Variants in ZNF442 observed in about 807,000 individuals in gnomAD.
ZNF442 encodes the protein zinc finger protein 442.
Under a neutral mutation model 57.0 loss-of-function variants are expected in ZNF442, and 45 were observed. The observed-to-expected ratio is 0.79, with a 90% confidence interval of 0.62 to 1.01. ZNF442 has a LOEUF of 1.01. Among genes scored for constraint, ZNF442 ranks in the 50% least tolerant of loss-of-function variants. The probability of loss-of-function intolerance (pLI) is 0.00; values close to 1 mark genes in which losing one functional copy is unlikely to be tolerated. For synonymous variants in ZNF442, 213 were observed against 241.8 expected, an observed-to-expected ratio of 0.88 and a Z score of 1.10; for missense variants, 690 against 756.5, an observed-to-expected ratio of 0.91 and a Z score of 1.03.
Position 12,363,572 on chromosome 19 carries a change from A to C in ZNF442, c.60T>G (p.Asn20Lys), listed in dbSNP as rs1969475748. ...TGCTTACATATTGTTTTCTCTCTTC[A>C]TTAGTCTGAGAGTCAGGAAGGAAGA... The part of the protein sequence containing the change: ...SDLFLPDSQT[N>K]EERKQYDSVA... The change falls in exon 3 of 6, where the codon AAT becomes AAG. Residue 20 changes from asparagine to lysine, a missense_variant. Asn to Lys is a moderately conservative substitution (Grantham distance 94, BLOSUM62 0). Transcript: ENST00000242804. The C allele has an allele frequency of 6.2e-7, 1 of 1,614,066 alleles. No individual in the cohort carries two copies. The highest frequency in any genetic ancestry group is 1.7e-5 in the Admixed American group (1 of 60,010).
rs763924671 is a variant in ZNF442 at position 12,349,952 on chromosome 19, C to G, written c.1633G>C (p.Glu545Gln). Reference sequence around the variant, plus strand: ...AATGCTTTCCTGCATTCCTTACATTCATATGGCTTCTCTCCAGTGTGAATC... The same window carrying G: ...AATGCTTTCCTGCATTCCTTACATTGATATGGCTTCTCTCCAGTGTGAATC... ...ERIHTGEKPYECKECRKAFSW... is the reference protein window; with the variant it reads ...ERIHTGEKPYQCKECRKAFSW... Residue 545 changes from glutamate to glutamine, a missense_variant, in exon 6 of 6, where the codon GAA becomes CAA. Transcript: ENST00000242804. The G allele has an allele frequency of 7.4e-6, 12 of 1,614,086 alleles. No individual in the cohort carries two copies. The highest frequency in any genetic ancestry group is 9.3e-6 in the Non-Finnish European group (11 of 1,180,014).
chr19:12,363,475 T>C lies in ZNF442; in HGVS notation c.78+79A>G, dbSNP rs866432810. The C allele has an allele frequency of 4.9e-5, 68 of 1,397,608 alleles. 1 individual carries two copies. In the Middle Eastern group the frequency reaches 7.1e-4, roughly 15 times the overall value. 86.6% of individuals were successfully genotyped at this position (1,397,608 alleles called of 1,614,324 possible). ...CCACCCCAGGAGATACTTCACTGTG[T>C]GCTTTTCAGGCTCATGCACACCTGA... On this transcript the variant is annotated intron_variant, in intron 3 of 5. Transcript: ENST00000242804.
At position 12,353,418 on chromosome 19, in the gene ZNF442, G is replaced by A. The variant is rs144046043; in HGVS notation, c.79-304C>T. ...TTATAGTGGGTCTGTATTTCCTGTC[G>A]TGACAAAGTCCTACTACTTACTGTA... On this transcript the variant is annotated intron_variant, in intron 3 of 5. Transcript: ENST00000242804. Among the ~76,000 whole-genome samples, 37 of 152,178 alleles carry A rather than the reference G, an allele frequency of 2.4e-4. No homozygotes were observed. In the South Asian group the frequency reaches 2.9e-3, roughly 12 times the overall value.
chr19:12,353,171 T>C, intron 3 of ZNF442, 57 bp from the exon 4 acceptor site: 1 of 1,526,498 alleles, frequency 6.6e-7, no homozygotes, highest in Non-Finnish European at 8.8e-7. Flanking sequence ...ACCAAAAATT[T>C]ACACCCACTT....
At chr19:12,358,644 T>C (rs143404112) in intron 3 of ZNF442, among the ~76,000 whole-genome samples, 271 of 152,346 alleles carry the variant, frequency 1.8e-3, no homozygotes, top group Non-Finnish European at 3.0e-3. Flanking sequence ...ACTATGCTAC[T>C]GGATAAATAC....
chr19:12,364,548 G>A (rs1237009659), intron 2 of ZNF442, among the ~76,000 whole-genome samples: 1 of 152,114 alleles, frequency 6.6e-6, no homozygotes, highest in African/African-American at 2.4e-5. Context: ...GCTGTGAACT[G>A]AGGAGGGAAA....
At chr19:12,352,511 G>A (rs1236819196) in intron 4 of ZNF442, among the ~76,000 whole-genome samples, 1 of 152,066 alleles carries the variant, frequency 6.6e-6, no homozygotes, top group Non-Finnish European at 1.5e-5. Flanking sequence ...TGGCTCACAA[G>A]TCCACTTATA....
upstream of ZNF442, among the ~76,000 whole-genome samples, chr19:12,368,233 C>T (rs949145973): frequency 2.6e-5 from 4 of 152,048 alleles, no homozygotes; most frequent in East Asian, 5.8e-4. Flanking sequence ...ATCACGGGGT[C>T]CTGAGGTGAC....
intron 3 of ZNF442, among the ~76,000 whole-genome samples, chr19:12,355,649 G>A (rs1206514192): frequency 3.3e-5 from 5 of 149,956 alleles, no homozygotes; most frequent in East Asian, 2.2e-4. Context: ...ATGAGCCACC[G>A]TGCCTGGCCG....
intron 2 of ZNF442, among the ~76,000 whole-genome samples, chr19:12,364,332 G>A (rs1009089436): frequency 1.3e-5 from 2 of 151,288 alleles, no homozygotes; most frequent in Non-Finnish European, 2.9e-5. Flanking sequence ...TCTTGAACCC[G>A]GGAGGCGGAG....
rs755304276 is a variant in ZNF442 at position 12,350,471 on chromosome 19, T to C, written c.1114A>G (p.Thr372Ala). The change falls in exon 6 of 6, where the codon ACT becomes GCT. Residue 372 changes from threonine (T) to alanine (A), a missense_variant. By Grantham distance (58) the Thr-to-Ala change is moderately conservative. Coordinates refer to ENST00000242804, the MANE Select transcript of ZNF442 (RefSeq NM_030824.3). ...TTGCATTCATAGGGTTTCTCTCCAGTGTGAGTTCTTTCATGACTTTGCAGT... is the reference window on the plus strand; with the variant it reads ...TTGCATTCATAGGGTTTCTCTCCAGCGTGAGTTCTTTCATGACTTTGCAGT... ...SSLQSHERTH[T>A]GEKPYECKQC... 24 of 1,614,066 alleles carry C rather than the reference T, an allele frequency of 1.5e-5. No individual in the cohort carries two copies. Among genetic ancestry groups the C allele is most frequent in the Non-Finnish European group, 2.0e-5 (24 of 1,180,022 alleles).
At chr19:12,354,522 C>T (rs1300516573) in intron 3 of ZNF442, among the ~76,000 whole-genome samples, 1 of 152,138 alleles carries the variant, frequency 6.6e-6, no homozygotes, top group East Asian at 1.9e-4. Context: ...ATGCTAAAAA[C>T]TTTCTCACCA....
intron 3 of ZNF442, among the ~76,000 whole-genome samples, chr19:12,356,957 A>C (rs1343898290): frequency 6.6e-6 from 1 of 152,202 alleles, no homozygotes; most frequent in Non-Finnish European, 1.5e-5. Context: ...AAGTGTTAGC[A>C]CTTAGGGACA....
In ZNF442 at chr19:12,351,228, A is replaced by T; in HGVS notation, c.357T>A (p.Ser119Arg). 4 of 1,614,190 alleles carry T rather than the reference A, an allele frequency of 2.5e-6. No homozygotes were observed. Among genetic ancestry groups the T allele is most frequent in the Non-Finnish European group, 2.5e-6 (3 of 1,180,032 alleles). ...KPPGVDPCKS[S>R]VCGEIMGCSF... ...AACAACCCATGATTTCTCCACACACACTGCTTTTACATGGATCTACTCCAG... is the reference window on the plus strand; with the variant it reads ...AACAACCCATGATTTCTCCACACACTCTGCTTTTACATGGATCTACTCCAG... Residue 119 changes from serine to arginine, a missense_variant, in exon 6 of 6, where the codon AGT becomes AGA. Coordinates refer to ENST00000242804, the MANE Select transcript of ZNF442 (RefSeq NM_030824.3).
rs543702189 is a variant in ZNF442 at position 12,352,103 on chromosome 19, T to C, written c.206-33A>G. On this transcript the variant is annotated intron_variant, in intron 4 of 5. Coordinates refer to ENST00000242804, the MANE Select transcript of ZNF442 (RefSeq NM_030824.3). ...GTGGACACAGAAAAAACACTGTAGA[T>C]TATTATAAAATTCTAAAAACACTAC... The C allele has an allele frequency of 3.1e-6, 5 of 1,592,326 alleles. No individual in the cohort carries two copies. In the African/African-American group the frequency reaches 5.4e-5, roughly 17 times the overall value.
In ZNF442 at chr19:12,350,825, T is replaced by C. The variant is rs1408142809; in HGVS notation, c.760A>G (p.Arg254Gly). The C allele has an allele frequency of 9.9e-6, 16 of 1,614,102 alleles. No individual in the cohort carries two copies. The highest frequency in any genetic ancestry group is 1.3e-5 in the Non-Finnish European group (15 of 1,179,996). The change falls in exon 6 of 6, where the codon AGA (arginine) becomes GGA (glycine). Residue 254 changes from arginine to glycine, a missense_variant. Physicochemically the swap from Arg to Gly is moderately radical, Grantham distance 125. Coordinates refer to ENST00000242804, the MANE Select transcript of ZNF442 (RefSeq NM_030824.3). ...KAFPIYSSYL[R>G]HERTHTGEKP... ...TCCCCAGTGTGTGTTCTTTCATGTCTTAGATAGGAACTGTAAATAGGGAAG... is the reference window on the plus strand; with the variant it reads ...TCCCCAGTGTGTGTTCTTTCATGTCCTAGATAGGAACTGTAAATAGGGAAG...
At chr19:12,360,588 T>C (rs948140933) in intron 3 of ZNF442, among the ~76,000 whole-genome samples, 1 of 152,230 alleles carries the variant, frequency 6.6e-6, no homozygotes, top group African/African-American at 2.4e-5. Context: ...TAGTATATAT[T>C]TATTTATAGA....
chr19:12,355,384 G>A (rs542983979), intron 3 of ZNF442, among the ~76,000 whole-genome samples: 15 of 145,838 alleles, frequency 1.0e-4, no homozygotes, highest in Admixed American at 3.4e-4. Flanking sequence ...TTTTTGAGAC[G>A]GAGTTTCGCT....
Position 12,346,417 on chromosome 19 carries a change from C to T in ZNF442, c.*3284G>A, listed in dbSNP as rs1223832108. ...AAAGCAGTACAGAACCATTAATTGG[C>T]TATTATGAAAAAAATACGACAACCA... is the stretch of plus-strand genomic sequence containing the variant. On this transcript the variant is annotated 3_prime_UTR_variant, in exon 6 of 6. Transcript: ENST00000242804. 6.6e-6 allele frequency: 1 copy of T among 152,024 alleles called. No individual in the cohort carries two copies. Among genetic ancestry groups the T allele is most frequent in the East Asian group, 1.9e-4 (1 of 5,202 alleles). 9.4% of individuals were successfully genotyped at this position (152,024 alleles called of 1,614,324 possible).
Sources: gnomAD v4.1 joint callset for allele counts (sites outside exome capture counted in the v4.1 genomes callset) on GRCh38, gnomAD v4.1.1 for gene constraint, MANE v1.5 for transcripts, NCBI Gene and HGNC (gene_info 2026-07-23, HGNC 2026-07-21) for gene names.